AFF3: variants seen among roughly 807,000 people sequenced by gnomAD.
AFF3 encodes AF4/FMR2 family member 3.
AFF3 carries 32 observed loss-of-function variants against 129.7 expected under a neutral mutation model. That is an observed-to-expected ratio of 0.25 (90% CI 0.19 to 0.33). AFF3 has a LOEUF of 0.33. Among genes scored for constraint, AFF3 ranks in the 10% least tolerant of loss-of-function variants. AFF3 has a pLI of 1.00. For missense variants in AFF3, 1,373 were observed against 1,592.0 expected (o/e 0.86, Z 2.34); for synonymous variants, 644 against 635.4 (o/e 1.01, Z -0.20).
intron 11 of AFF3, chr2:99,707,464 A>C (rs1406750420): frequency 1.0e-6 from 1 of 985,330 alleles, no homozygotes; most frequent in Non-Finnish European, 1.2e-6. Context: ...GCACGAGGCA[A>C]ACAAACAAAA....
At chr2:99,607,270 C>T (rs1171073239) in intron 13 of AFF3, among the ~76,000 whole-genome samples, 1 of 152,100 alleles carries the variant, frequency 6.6e-6, no homozygotes, top group Non-Finnish European at 1.5e-5. Context: ...CAGTGGCTCA[C>T]GCCTGTAATC....
At chr2:100,080,678 T>C (rs1222847552) in intron 4 of AFF3, among the ~76,000 whole-genome samples, 1 of 152,120 alleles carries the variant, frequency 6.6e-6, no homozygotes, top group African/African-American at 2.4e-5. Context: ...TGTGCCTCAA[T>C]GTTTTACTTG....
chr2:99,708,812 T>G (rs995743488), intron 11 of AFF3, among the ~76,000 whole-genome samples: 2 of 152,218 alleles, frequency 1.3e-5, no homozygotes, highest in African/African-American at 4.8e-5. Context: ...GGTGTATTTC[T>G]GAACATCTAA....
At chr2:99,861,827 T>C (rs1576213580) in intron 7 of AFF3, among the ~76,000 whole-genome samples, 1 of 152,306 alleles carries the variant, frequency 6.6e-6, no homozygotes, top group South Asian at 2.1e-4. Flanking sequence ...ACCATCCTAA[T>C]TGGTGTTTTT....
intron 7 of AFF3, among the ~76,000 whole-genome samples, chr2:99,891,191 TG>T (rs1693522804): frequency 1.3e-5 from 2 of 152,068 alleles, no homozygotes; most frequent in Non-Finnish European, 2.9e-5. Flanking sequence ...CAGCGAGATC[TG>T]GAGCACAGAG....
chr2:99,872,329 A>G (rs1691930758), intron 7 of AFF3, among the ~76,000 whole-genome samples: 1 of 151,992 alleles, frequency 6.6e-6, no homozygotes. Flanking sequence ...CTCTGAGTCC[A>G]AACCTATTTG....
intron 8 of AFF3, among the ~76,000 whole-genome samples, chr2:99,826,965 AC>A (rs1688135879): frequency 6.6e-6 from 1 of 151,994 alleles, no homozygotes; most frequent in Admixed American, 6.6e-5. Context: ...CCGGAGGGAG[AC>A]AGAGCTGACA....
In AFF3 at chr2:99,927,090, G is replaced by A. The variant is rs549804721; in HGVS notation, c.873+79542C>T. 1.8e-4 allele frequency among the ~76,000 whole-genome samples: 28 copies of A among 152,266 alleles called. No homozygotes were observed. The East Asian group carries it at 5.2e-3, about 28-fold the overall frequency. On this transcript the variant is annotated intron_variant, in intron 7 of 24. Coordinates refer to ENST00000672756, the MANE Select transcript of AFF3 (RefSeq NM_001386135.1). ...CCTACCTCCTTAAAGGAAAGGATGT[G>A]AAAACTGCACTATGGATATCCCCAC...
chr2:99,610,392 T>C (rs879763681), intron 13 of AFF3, among the ~76,000 whole-genome samples: 8 of 152,220 alleles, frequency 5.3e-5, no homozygotes, highest in Admixed American at 2.6e-4. Context: ...TATGTGTTCT[T>C]TTTTAAACTA....
intron 13 of AFF3, among the ~76,000 whole-genome samples, chr2:99,636,485 CACTGAGTAAAT>C (rs1683666051): frequency 6.6e-6 from 1 of 152,238 alleles, no homozygotes; most frequent in African/African-American, 2.4e-5. Context: ...AGCACTGTCA[CACTGAGTAAAT>C]ACTGCCTCTC....
At chr2:99,649,009 A>T (rs1453863148) in intron 13 of AFF3, among the ~76,000 whole-genome samples, 4 of 151,956 alleles carry the variant, frequency 2.6e-5, no homozygotes, top group Non-Finnish European at 5.9e-5. Context: ...CTATTCTAGA[A>T]AGTGACTTTA....
chr2:99,669,352 C>T (rs1344038618), intron 12 of AFF3, among the ~76,000 whole-genome samples: 1 of 152,136 alleles, frequency 6.6e-6, no homozygotes, highest in Non-Finnish European at 1.5e-5. Context: ...TAAATTATGG[C>T]ATACACACAT....
chr2:99,749,086 T>C (rs762749319), intron 9 of AFF3, among the ~76,000 whole-genome samples: 11 of 152,210 alleles, frequency 7.2e-5, no homozygotes, highest in Non-Finnish European at 1.5e-4. Flanking sequence ...AATGTGACTA[T>C]AGTTAACAAT....
At chr2:100,061,031 C>A (rs935626712) in intron 4 of AFF3, among the ~76,000 whole-genome samples, 1 of 152,200 alleles carries the variant, frequency 6.6e-6, no homozygotes, top group Admixed American at 6.5e-5. Flanking sequence ...TCTCACTCAT[C>A]ACTAGACCCA....
chr2:99,967,921 C>A (rs1038095742), intron 7 of AFF3, among the ~76,000 whole-genome samples: 2 of 152,200 alleles, frequency 1.3e-5, no homozygotes, highest in Admixed American at 6.5e-5. Flanking sequence ...CAATCCATCC[C>A]TCACACAGCC....
intron 11 of AFF3, among the ~76,000 whole-genome samples, chr2:99,703,248 T>C (rs139086969): frequency 8.3e-4 from 126 of 152,260 alleles, no homozygotes; most frequent in Non-Finnish European, 1.6e-3. Context: ...TGGCCCCTTT[T>C]TCCATCTTCA....
chr2:99,796,474 C>T (rs1354104832), intron 8 of AFF3, among the ~76,000 whole-genome samples: 1 of 152,128 alleles, frequency 6.6e-6, no homozygotes. Context: ...CAACTTAATT[C>T]CCAGGAAATG....
At position 99,906,451 on chromosome 2, in the gene AFF3, T is replaced by C. The variant is rs544170580; in HGVS notation, c.874-68927A>G. Among the ~76,000 whole-genome samples the C allele has an allele frequency of 1.7e-4, 26 of 152,262 alleles. 1 individual carries two copies. The South Asian group carries it at 5.0e-3, about 29-fold the overall frequency. On this transcript the variant is annotated intron_variant, in intron 7 of 24. Transcript: ENST00000672756. ...TATCTGGGATGGTCAGTTCTATATG[T>C]CAATGAGGCAAGACCTCAGTCCCCA...
At chr2:99,695,566 C>T (rs1025376710) in intron 11 of AFF3, among the ~76,000 whole-genome samples, 2 of 152,146 alleles carry the variant, frequency 1.3e-5, no homozygotes, top group Non-Finnish European at 2.9e-5. Flanking sequence ...TCTGATTTTA[C>T]ATGCATGCCC....
Sources: gnomAD v4.1 joint callset for allele counts (sites outside exome capture counted in the v4.1 genomes callset) on GRCh38, gnomAD v4.1.1 for gene constraint, MANE v1.5 for transcripts, NCBI Gene and HGNC (gene_info 2026-07-23, HGNC 2026-07-21) for gene names.